The following RAB43 variants were observed in gnomAD, a reference collection of about 807,000 sequenced individuals.
The protein encoded by RAB43 is RAB43, member RAS oncogene family, also known as ras-related protein Rab-43.
RAB43 carries 6 observed loss-of-function variants against 18.8 expected under a neutral mutation model. That is an observed-to-expected ratio of 0.32 (90% CI 0.17 to 0.63). RAB43 has a LOEUF of 0.63. Ranked by LOEUF, RAB43 falls within the 30% of genes least tolerant of loss-of-function variation. RAB43 has a pLI of 0.79. For missense variants in RAB43, 195 were observed against 289.1 expected (o/e 0.67, Z 2.36); for synonymous variants, 103 against 124.1 (o/e 0.83, Z 1.13).
At chr3:129,106,279 C>G (rs1934777268) in intron 1 of RAB43, among the ~76,000 whole-genome samples, 1 of 152,182 alleles carries the variant, frequency 6.6e-6, no homozygotes, top group Non-Finnish European at 1.5e-5. Context: ...TAGAGAGGGA[C>G]CTTGGAAAAG....
At chr3:129,094,504 T>A (rs953574757) in intron 2 of RAB43, among the ~76,000 whole-genome samples, 1 of 122,004 alleles carries the variant, frequency 8.2e-6, no homozygotes, top group African/African-American at 3.0e-5. Flanking sequence ...AATATAACTT[T>A]CTTTTTTTTT....
In RAB43 at chr3:129,121,723, G is replaced by A. The variant is rs1199397573; in HGVS notation, c.-234C>T. 2 of 271,918 alleles carry A rather than the reference G, an allele frequency of 7.4e-6. No individual in the cohort carries two copies. Among genetic ancestry groups the A allele is most frequent in the South Asian group, 1.8e-4 (1 of 5,448 alleles). 16.8% of individuals were successfully genotyped at this position (271,918 alleles called of 1,614,324 possible). ...GCCCCGCCCGGACCCGGTGCCCCGC[G>A]GGTTCGGCTCCCCCCCGGACCCGCC... On this transcript the variant is annotated 5_prime_UTR_variant, in exon 1 of 3. Coordinates refer to ENST00000315150, the MANE Select transcript of RAB43 (RefSeq NM_198490.3).
intron 1 of RAB43, among the ~76,000 whole-genome samples, chr3:129,115,286 G>A (rs1347271604): frequency 4.6e-5 from 7 of 151,518 alleles, no homozygotes; most frequent in African/African-American, 1.7e-4. Flanking sequence ...TCGGGAGTTC[G>A]AAACCAGCCT....
intron 1 of RAB43, among the ~76,000 whole-genome samples, chr3:129,115,988 A>G (rs184386638): frequency 1.1e-3 from 160 of 152,330 alleles, no homozygotes; most frequent in African/African-American, 3.7e-3. Context: ...GCTTGTGTTC[A>G]AAGAATCCTT....
At chr3:129,091,776 A>AG (rs1491196317) in intron 2 of RAB43, among the ~76,000 whole-genome samples, 1 of 152,076 alleles carries the variant, frequency 6.6e-6, no homozygotes, top group East Asian at 1.9e-4. Flanking sequence ...AAAAAAAAAA[A>AG]GAGTCTGGGC....
chr3:129,108,758 A>G (rs905730539), intron 1 of RAB43, among the ~76,000 whole-genome samples: 3 of 152,182 alleles, frequency 2.0e-5, no homozygotes, highest in Admixed American at 6.5e-5. Context: ...AGCGATCAAG[A>G]AATAAGTCCA....
At chr3:129,106,185 A>G (rs1029631166) in intron 1 of RAB43, among the ~76,000 whole-genome samples, 13 of 152,146 alleles carry the variant, frequency 8.5e-5, no homozygotes, top group East Asian at 3.9e-4. Context: ...GTCCCTCCCA[A>G]TGGAAACAGA....
At position 129,121,754 on chromosome 3, in the gene RAB43, G is replaced by C. The variant is rs1935953710; in HGVS notation, c.-265C>G. The C allele has an allele frequency of 4.9e-6, 1 of 204,884 alleles. No individual in the cohort carries two copies. The highest frequency in any genetic ancestry group is 8.6e-6 in the Non-Finnish European group (1 of 116,394). The allele number at this position is 204,884 out of a possible 1,614,324, so 12.7% of individuals were successfully genotyped here. ...GGCTCCCCCCCGGACCCGCCAAGCC[G>C]GGCCCTCCGCAAAGCTCCGGCCGGT... On this transcript the variant is annotated 5_prime_UTR_variant, in exon 1 of 3. Transcript: ENST00000315150.
In RAB43 at chr3:129,095,281, C is replaced by T. The variant is rs923255655; in HGVS notation, c.205-112G>A. 1.4e-6 allele frequency: 2 copies of T among 1,402,892 alleles called. No individual in the cohort carries two copies. The highest frequency in any genetic ancestry group is 1.5e-5 in the South Asian group (1 of 67,990). The allele number at this position is 1,402,892 out of a possible 1,614,324, so 86.9% of individuals were successfully genotyped here. A position where few individuals can be genotyped will look rare whatever the true frequency, so the allele number is the denominator to read the frequency against. On this transcript the variant is annotated intron_variant, in intron 1 of 2. Transcript: ENST00000315150. The surrounding 1 kb of genome is among the most constrained non-coding windows in gnomAD (Gnocchi z 4.2). ...GCTGTGGTTCCACTGGGCTAGGAGG[C>T]CTTCTGAGTCCTTAGAAAGCAACTC...
rs201394860 is a variant in RAB43, at chr3:129,091,105, G to A, written c.630C>T (p.Cys210=). The A allele has an allele frequency of 1.7e-4, 278 of 1,605,700 alleles. No individual in the cohort carries two copies. The East Asian group carries it at 4.0e-3, about 23-fold the overall frequency. The part of the protein sequence containing the change: ...NSKDIGEGWG[C]GC The stretch of plus-strand genomic sequence containing the variant: ...CCGGCCCGGCCCCTGGTCAGCACCC[G>A]CAGCCCCAGCCTTCTCCGATGTCCT... The change falls in exon 3 of 3, where the codon TGC becomes TGT. Residue 210 remains cysteine, a synonymous_variant. Coordinates refer to ENST00000315150, the MANE Select transcript of RAB43 (RefSeq NM_198490.3).
chr3:129,120,938 G>A (rs1448543577), intron 1 of RAB43, among the ~76,000 whole-genome samples: 1 of 152,198 alleles, frequency 6.6e-6, no homozygotes, highest in East Asian at 1.9e-4. Flanking sequence ...CGCACTCCAA[G>A]GCGCTCCGCT....
intron 1 of RAB43, among the ~76,000 whole-genome samples, chr3:129,120,002 G>A (rs1935805861): frequency 6.6e-6 from 1 of 152,144 alleles, no homozygotes; most frequent in South Asian, 2.1e-4. Context: ...CAAAAGGGTG[G>A]TCCCGAGTGA....
chr3:129,118,219 A>G (rs1935674381), intron 1 of RAB43, among the ~76,000 whole-genome samples: 1 of 152,212 alleles, frequency 6.6e-6, no homozygotes, highest in Non-Finnish European at 1.5e-5. Context: ...AGTGAAGGGT[A>G]GAGATGGGCC....
upstream of RAB43, chr3:129,121,892 G>A (rs554552534): frequency 8.0e-6 from 1 of 125,464 alleles, no homozygotes; most frequent in African/African-American, 3.1e-5. Flanking sequence ...CCAACCCTCG[G>A]GCCCACCTCA....
Position 129,094,987 on chromosome 3 carries a change from G to C in RAB43, c.387C>G (p.Ile129Met). Residue 129 changes from isoleucine (I) to methionine (M), a missense_variant and splice_region_variant, in exon 2 of 3, where the codon ATC (isoleucine) becomes ATG (methionine). By Grantham distance (10) the Ile-to-Met change is conservative. Transcript: ENST00000315150. ...YAGSNIVQLL[I>M]GNKSDLSELR... The stretch of plus-strand genomic sequence containing the variant: ...GGTCCCGAGGAATCCCCAACTCACC[G>C]ATCAGCAGCTGCACAATGTTGGAGC... 6.2e-7 allele frequency: 1 copy of C among 1,610,568 alleles called. No homozygotes were observed. The highest frequency in any genetic ancestry group is 8.5e-7 in the Non-Finnish European group (1 of 1,177,918).
intron 1 of RAB43, among the ~76,000 whole-genome samples, chr3:129,098,316 C>T (rs1934188965): frequency 1.3e-5 from 2 of 152,156 alleles, no homozygotes; most frequent in Non-Finnish European, 1.5e-5. Flanking sequence ...TAGCGAGGCT[C>T]AGAAACACCT....
chr3:129,113,997 G>A lies in RAB43; in HGVS notation c.204+7289C>T, dbSNP rs1255600355. Among the ~76,000 whole-genome samples the A allele has an allele frequency of 2.0e-5, 3 of 151,992 alleles. No individual in the cohort carries two copies. In the East Asian group the frequency reaches 5.8e-4, roughly 29 times the overall value. ...AGCCGGGATCACGCCTCGCGCCACT[G>A]CACTCCACCTGGTGACAGAGCGAGA... On this transcript the variant is annotated intron_variant, in intron 1 of 2. Coordinates refer to ENST00000315150, the MANE Select transcript of RAB43 (RefSeq NM_198490.3).
At chr3:129,109,246 T>C (rs1359869772) in intron 1 of RAB43, among the ~76,000 whole-genome samples, 3 of 151,594 alleles carry the variant, frequency 2.0e-5, no homozygotes, top group Admixed American at 6.6e-5. Flanking sequence ...CCATCTCTAC[T>C]AAAAATACAA....
In RAB43 at chr3:129,091,230, C is replaced by T. The variant is rs760966732; in HGVS notation, c.505G>A (p.Val169Met). ...IETSAKDSSN[V>M]EEAFLRVATE... is the part of the protein sequence containing the mutation. Reference sequence around the variant, plus strand: ...GCCACCCTCAGGAAGGCCTCCTCCACGTTGCTCGAGTCCTTGGCAGACGTC... The same window carrying T: ...GCCACCCTCAGGAAGGCCTCCTCCATGTTGCTCGAGTCCTTGGCAGACGTC... Residue 169 changes from valine (V) to methionine (M), a missense_variant, in exon 3 of 3, where the codon GTG becomes ATG. Val to Met is a conservative substitution (Grantham distance 21). Transcript: ENST00000315150. 12 of 1,595,170 alleles carry T rather than the reference C, an allele frequency of 7.5e-6. No individual in the cohort carries two copies. Among genetic ancestry groups the T allele is most frequent in the South Asian group, 2.2e-5 (2 of 89,314 alleles).
Sources: allele counts gnomAD v4.1 joint callset (sites outside exome capture counted in the v4.1 genomes callset), GRCh38; gene constraint gnomAD v4.1.1; non-coding constraint Gnocchi (gnomAD v3.1); transcripts MANE v1.5; gene names NCBI Gene and HGNC (gene_info 2026-07-23, HGNC 2026-07-21).